Variants in XKR9 observed in about 807,000 individuals in gnomAD.
The protein encoded by XKR9 is XK related 9, also known as XK-related protein 9.
XKR9 carries 32 observed loss-of-function variants against 32.0 expected under a neutral mutation model. The ratio of observed to expected loss-of-function variants is 1.00; its 90% CI spans 0.76 to 1.34. XKR9 has a LOEUF of 1.34. XKR9 is among the 40% of genes most tolerant of loss of function. The probability of loss-of-function intolerance (pLI) is 0.00; values close to 1 mark genes in which losing one functional copy is unlikely to be tolerated. For missense variants in XKR9, 546 were observed against 429.7 expected (o/e 1.27, Z -2.39); for synonymous variants, 168 against 143.4 (o/e 1.17, Z -1.22).
At chr8:70,811,885 C>A in the XKR9 span, among the ~76,000 whole-genome samples, 2 of 151,944 alleles carry the variant, frequency 1.3e-5, no homozygotes, top group East Asian at 3.9e-4. Context: ...GGTACCATTC[C>A]TTCTGAAACT....
At chr8:70,716,600 C>G (rs1180223216) in intron 4 of XKR9, among the ~76,000 whole-genome samples, 4 of 152,120 alleles carry the variant, frequency 2.6e-5, no homozygotes, top group South Asian at 4.1e-4. Context: ...GAAACTACCC[C>G]TATGATTCAG....
chr8:70,861,350 A>C, the XKR9 span, among the ~76,000 whole-genome samples: 1 of 152,004 alleles, frequency 6.6e-6, no homozygotes, highest in African/African-American at 2.4e-5. Flanking sequence ...TAAAATCCTT[A>C]TTTCATAAAG....
At chr8:70,817,041 A>T in the XKR9 span, among the ~76,000 whole-genome samples, 1 of 152,110 alleles carries the variant, frequency 6.6e-6, no homozygotes, top group African/African-American at 2.4e-5. Flanking sequence ...GAATGATATG[A>T]TTTTATATCT....
intron 2 of XKR9, among the ~76,000 whole-genome samples, chr8:70,762,322 A>G (rs1022979779): frequency 6.6e-6 from 1 of 152,160 alleles, no homozygotes; most frequent in African/African-American, 2.4e-5. Flanking sequence ...CTTCTGTTCC[A>G]GGAGTCACCA....
chr8:70,858,100 T>C, the XKR9 span, among the ~76,000 whole-genome samples: 48 of 152,300 alleles, frequency 3.2e-4, 2 homozygotes, highest in South Asian at 9.3e-3. Flanking sequence ...AACATAGTGT[T>C]GGAAGTTCTG....
chr8:70,981,977 G>A, the XKR9 span, among the ~76,000 whole-genome samples: 458 of 152,322 alleles, frequency 3.0e-3, 3 homozygotes, highest in African/African-American at 0.011. Context: ...TCTGCAAAAT[G>A]TCCTGTGATA....
At chr8:70,845,713 A>C in the XKR9 span, among the ~76,000 whole-genome samples, 1 of 152,142 alleles carries the variant, frequency 6.6e-6, no homozygotes, top group African/African-American at 2.4e-5. Flanking sequence ...GAATGCAAAG[A>C]TAGGTCTTTC....
At chr8:71,052,547 T>A in the XKR9 span, among the ~76,000 whole-genome samples, 2 of 152,124 alleles carry the variant, frequency 1.3e-5, no homozygotes, top group Non-Finnish European at 2.9e-5. Context: ...CATTAGCCCA[T>A]AGGAGGCATG....
chr8:70,962,399 CTA>C, the XKR9 span, among the ~76,000 whole-genome samples: 6 of 152,026 alleles, frequency 3.9e-5, no homozygotes, highest in Non-Finnish European at 7.4e-5. Flanking sequence ...TCTATTATTC[CTA>C]TGTTTATGTC....
At chr8:70,888,630 T>G in the XKR9 span, among the ~76,000 whole-genome samples, 1 of 152,106 alleles carries the variant, frequency 6.6e-6, no homozygotes, top group Non-Finnish European at 1.5e-5. Context: ...GATTTTTATA[T>G]ATCGTGAGAG....
chr8:70,832,875 C>G, the XKR9 span, among the ~76,000 whole-genome samples: 1 of 152,092 alleles, frequency 6.6e-6, no homozygotes, highest in Admixed American at 6.5e-5. Context: ...ATAAGCCCCA[C>G]GAGGAGAAGA....
chr8:70,942,571 C>T, the XKR9 span, among the ~76,000 whole-genome samples: 4 of 152,120 alleles, frequency 2.6e-5, no homozygotes, highest in Non-Finnish European at 5.9e-5. Flanking sequence ...AAGCCTTCCT[C>T]ACCACAGTTT....
chr8:70,699,828 T>C (rs1395061488), intron 3 of XKR9, among the ~76,000 whole-genome samples: 1 of 152,158 alleles, frequency 6.6e-6, no homozygotes, highest in African/African-American at 2.4e-5. Flanking sequence ...ACCAATCAGA[T>C]GTAGATTTGG....
chr8:70,706,902 C>CT (rs1272892884), intron 3 of XKR9, 31 bp from the exon 4 acceptor site: 1 of 1,533,774 alleles, frequency 6.5e-7, no homozygotes, highest in Admixed American at 1.8e-5. Context: ...GAATATAAAA[C>CT]TAAAGAGAAA....
chr8:70,950,969 T>G, the XKR9 span, among the ~76,000 whole-genome samples: 6 of 152,328 alleles, frequency 3.9e-5, no homozygotes, highest in Non-Finnish European at 7.3e-5. Context: ...CCACCGCACC[T>G]GGCCTTCCTT....
chr8:70,887,198 G>A, the XKR9 span, among the ~76,000 whole-genome samples: 11 of 152,242 alleles, frequency 7.2e-5, no homozygotes, highest in South Asian at 4.1e-4. Context: ...CCCATTGCTT[G>A]TTTTTGTCAG....
the XKR9 span, among the ~76,000 whole-genome samples, chr8:70,846,511 G>A: frequency 6.6e-6 from 1 of 151,758 alleles, no homozygotes; most frequent in Non-Finnish European, 1.5e-5. Flanking sequence ...AAAATGGTAG[G>A]AATAAGTCTT....
intron 4 of XKR9, among the ~76,000 whole-genome samples, chr8:70,720,760 C>A (rs1806252334): frequency 6.6e-6 from 1 of 152,026 alleles, no homozygotes; most frequent in African/African-American, 2.4e-5. Flanking sequence ...CTGAAATTTT[C>A]TTTTCTTTTT....
the XKR9 span, among the ~76,000 whole-genome samples, chr8:70,828,244 G>C: frequency 6.6e-6 from 1 of 152,166 alleles, no homozygotes; most frequent in African/African-American, 2.4e-5. Flanking sequence ...GTAGAGGAGT[G>C]CTCTATCCTC....
Sources: allele counts gnomAD v4.1 joint callset (sites outside exome capture counted in the v4.1 genomes callset), GRCh38; gene constraint gnomAD v4.1.1; transcripts MANE v1.5; gene names NCBI Gene and HGNC (gene_info 2026-07-23, HGNC 2026-07-21).